Variants in IMMP2L observed in about 807,000 individuals in gnomAD.
IMMP2L encodes the protein inner mitochondrial membrane peptidase subunit 2, also known as mitochondrial inner membrane protease subunit 2.
In IMMP2L, 18 loss-of-function variants were observed where a neutral mutation model predicts 19.3. The ratio of observed to expected loss-of-function variants is 0.93; its 90% CI spans 0.64 to 1.38. The LOEUF is 1.38. Among genes scored for constraint, IMMP2L ranks in the 40% most tolerant of loss-of-function variants. The probability of loss-of-function intolerance (pLI) is 0.00; values close to 1 mark genes in which losing one functional copy is unlikely to be tolerated. For missense variants in IMMP2L, 233 were observed against 218.2 expected, an observed-to-expected ratio of 1.07 and a Z score of -0.43; for synonymous variants, 76 against 73.0, an observed-to-expected ratio of 1.04 and a Z score of -0.21.
intron 3 of IMMP2L, among the ~76,000 whole-genome samples, chr7:111,344,721 C>T (rs537191511): frequency 1.3e-5 from 2 of 152,230 alleles, no homozygotes; most frequent in African/African-American, 4.8e-5. Context: ...TGAACACTAC[C>T]GTTCATACAT....
intron 5 of IMMP2L, among the ~76,000 whole-genome samples, chr7:110,681,284 A>G (rs1292591953): frequency 4.6e-5 from 7 of 152,126 alleles, no homozygotes; most frequent in Non-Finnish European, 7.4e-5. Flanking sequence ...CACTATACCG[A>G]TCAGTGAAAT....
chr7:110,674,547 C>T (rs538456054), intron 5 of IMMP2L, among the ~76,000 whole-genome samples: 127 of 152,148 alleles, frequency 8.3e-4, no homozygotes, highest in African/African-American at 2.8e-3. Flanking sequence ...TACTTAGCAG[C>T]GTAAGAAGAG....
chr7:111,211,521 A>C (rs1811306938), intron 3 of IMMP2L, among the ~76,000 whole-genome samples: 1 of 152,220 alleles, frequency 6.6e-6, no homozygotes, highest in South Asian at 2.1e-4. Context: ...AATCTGTAAG[A>C]AACAAGGACC....
At chr7:110,751,202 T>A (rs1380187429) in intron 5 of IMMP2L, among the ~76,000 whole-genome samples, 1 of 150,904 alleles carries the variant, frequency 6.6e-6, no homozygotes, top group Non-Finnish European at 1.5e-5. Flanking sequence ...GACACAGGGA[T>A]CTTTAGGAGA....
intron 3 of IMMP2L, among the ~76,000 whole-genome samples, chr7:111,061,714 C>A (rs1794034202): frequency 6.6e-6 from 1 of 152,122 alleles, no homozygotes; most frequent in South Asian, 2.1e-4. Flanking sequence ...ACTGTTCCCA[C>A]CCAGTTTCCA....
At position 110,912,510 on chromosome 7, in the gene IMMP2L, A is replaced by G. The variant is rs144184982; in HGVS notation, c.306-25815T>C. 1.8e-4 allele frequency among the ~76,000 whole-genome samples: 28 copies of G among 152,194 alleles called. No homozygotes were observed. In the East Asian group the frequency reaches 5.2e-3, roughly 28 times the overall value. ...CCAAGCTCTAGATTAAAAAACACAA[A>G]CACACACACAAACAAGCATACAGGT... On this transcript the variant is annotated intron_variant, in intron 4 of 5. Transcript: ENST00000405709.
At chr7:111,384,266 G>T (rs1831509895) in intron 3 of IMMP2L, among the ~76,000 whole-genome samples, 1 of 150,784 alleles carries the variant, frequency 6.6e-6, no homozygotes. Context: ...AAGGAGAAAG[G>T]AGAGAGGAGA....
At position 111,345,238 on chromosome 7, in the gene IMMP2L, G is replaced by T. The variant is rs1292385348; in HGVS notation, c.239+142000C>A. 2.0e-5 allele frequency among the ~76,000 whole-genome samples: 3 copies of T among 152,054 alleles called. 1 individual carries two copies. The highest frequency in any genetic ancestry group is 4.4e-5 in the Non-Finnish European group (3 of 68,012). ...TGTAATATTACTAATTTGAGGTCAA[G>T]TAAAAATTCCAAGTAGACAGATTTT... On this transcript the variant is annotated intron_variant, in intron 3 of 5. Transcript: ENST00000405709.
At chr7:111,181,566 T>G (rs1174935034) in intron 3 of IMMP2L, among the ~76,000 whole-genome samples, 1 of 151,960 alleles carries the variant, frequency 6.6e-6, no homozygotes, top group Non-Finnish European at 1.5e-5. Context: ...AGCACAGCAA[T>G]GAATATAAAC....
intron 3 of IMMP2L, among the ~76,000 whole-genome samples, chr7:111,076,412 T>C (rs1423556186): frequency 1.3e-5 from 2 of 152,150 alleles, no homozygotes; most frequent in Admixed American, 6.5e-5. Flanking sequence ...GTTTGGATGG[T>C]TGATTGCCTT....
chr7:111,151,427 T>A (rs554393412), intron 3 of IMMP2L, among the ~76,000 whole-genome samples: 1 of 151,920 alleles, frequency 6.6e-6, no homozygotes, highest in South Asian at 2.1e-4. Flanking sequence ...CTTCAACAAA[T>A]AAATTGTAAT....
chr7:110,920,721 T>C (rs537110725), intron 4 of IMMP2L, among the ~76,000 whole-genome samples: 19 of 152,340 alleles, frequency 1.2e-4, no homozygotes, highest in African/African-American at 4.1e-4. Context: ...TATGTCCCAA[T>C]AATAATTATG....
chr7:111,258,430 T>C (rs1816958745), intron 3 of IMMP2L, among the ~76,000 whole-genome samples: 1 of 152,178 alleles, frequency 6.6e-6, no homozygotes, highest in African/African-American at 2.4e-5. Context: ...CATATTTATA[T>C]ATCTTCTACA....
At chr7:111,451,983 G>A (rs1460357670) in intron 3 of IMMP2L, among the ~76,000 whole-genome samples, 1 of 152,048 alleles carries the variant, frequency 6.6e-6, no homozygotes, top group Non-Finnish European at 1.5e-5. Context: ...AACAATTCTG[G>A]TCACTGAAGG....
At chr7:110,918,984 G>T (rs910646255) in intron 4 of IMMP2L, among the ~76,000 whole-genome samples, 1 of 151,960 alleles carries the variant, frequency 6.6e-6, no homozygotes, top group Admixed American at 6.6e-5. Context: ...AACCCCAAAA[G>T]ATAATTGAGT....
At chr7:111,540,267 A>G (rs1159597435) in intron 1 of IMMP2L, among the ~76,000 whole-genome samples, 1 of 152,168 alleles carries the variant, frequency 6.6e-6, no homozygotes, top group Non-Finnish European at 1.5e-5. Context: ...CCAGAAGACC[A>G]GTGGGGTGAA....
Position 110,953,216 on chromosome 7 carries a change from G to A in IMMP2L, c.305+10284C>T, listed in dbSNP as rs118159947. 8.6e-3 allele frequency among the ~76,000 whole-genome samples: 1,298 copies of A among 151,806 alleles called. 9 individuals carry two copies. Among genetic ancestry groups the A allele is most frequent in the Non-Finnish European group, 0.015 (992 of 67,926 alleles). On this transcript the variant is annotated intron_variant, in intron 4 of 5. Transcript: ENST00000405709. Reference sequence around the variant, plus strand: ...AGTTCTGGGGTACATGTGCTGAATGGGCAGTTTTGTTACATAGGTATATAC... The same window carrying A: ...AGTTCTGGGGTACATGTGCTGAATGAGCAGTTTTGTTACATAGGTATATAC...
intron 2 of IMMP2L, among the ~76,000 whole-genome samples, chr7:111,520,342 G>A (rs1446472408): frequency 6.6e-6 from 1 of 151,962 alleles, no homozygotes; most frequent in Non-Finnish European, 1.5e-5. Flanking sequence ...AGAATATAAA[G>A]GCAGTCCTGT....
intron 3 of IMMP2L, among the ~76,000 whole-genome samples, chr7:111,068,167 A>C (rs1331181449): frequency 3.3e-5 from 5 of 152,226 alleles, no homozygotes; most frequent in Non-Finnish European, 7.4e-5. Context: ...ACATACATAC[A>C]TACATCAAGA....
Sources: gnomAD v4.1 joint callset for allele counts (sites outside exome capture counted in the v4.1 genomes callset) on GRCh38, gnomAD v4.1.1 for gene constraint, MANE v1.5 for transcripts, NCBI Gene and HGNC (gene_info 2026-07-23, HGNC 2026-07-21) for gene names.